RNF214: variants seen among roughly 807,000 people sequenced by gnomAD.
The protein encoded by RNF214 is ring finger protein 214.
RNF214 carries 25 observed loss-of-function variants against 75.9 expected under a neutral mutation model. The ratio of observed to expected loss-of-function variants is 0.33; its 90% CI spans 0.24 to 0.46. RNF214 has a LOEUF of 0.46. Ranked by LOEUF, RNF214 falls within the 20% of genes least tolerant of loss-of-function variation. RNF214 has a pLI of 1.00. For missense variants in RNF214, 725 were observed against 857.5 expected, an observed-to-expected ratio of 0.85 and a Z score of 1.93; for synonymous variants, 314 against 308.8, an observed-to-expected ratio of 1.02 and a Z score of -0.18.
At chr11:117,281,217 G>C in intron 8 of RNF214, 97 bp from the exon 9 acceptor site, 1 of 788,522 alleles carries the variant, frequency 1.3e-6, no homozygotes, top group Non-Finnish European at 2.2e-6. Context: ...CAAGTGATCT[G>C]CCCGCCTTGG....
At position 117,244,448 on chromosome 11, in the gene RNF214, A is replaced by G. The variant is rs1460373997; in HGVS notation, c.682A>G (p.Lys228Glu). The G allele has an allele frequency of 1.4e-5, 23 of 1,607,408 alleles. No homozygotes were observed. In the Admixed American group the frequency reaches 3.9e-4, roughly 28 times the overall value. Reference protein sequence around the residue: ...TDQDIEKNLDKMMTERTLLKE... With the variant: ...TDQDIEKNLDEMMTERTLLKE... ...TTTCTTGTCTTGTTCATAATAGGAT[A>G]AAATGATGACAGAGAGAACCCTGTT... Residue 228 changes from lysine to glutamate, a missense_variant, in exon 5 of 15, where the codon AAA (lysine) becomes GAA (glutamate). Lys to Glu is a moderately conservative substitution (Grantham distance 56). Coordinates refer to ENST00000300650, the MANE Select transcript of RNF214 (RefSeq NM_207343.4).
At chr11:117,246,152 A>G (rs945108987) in intron 5 of RNF214, among the ~76,000 whole-genome samples, 1 of 151,882 alleles carries the variant, frequency 6.6e-6, no homozygotes, top group Non-Finnish European at 1.5e-5. Context: ...TTTTTGTGAG[A>G]CAAGATCTCT....
Position 117,284,935 on chromosome 11 carries a change from A to C in RNF214, c.2047-151A>C, listed in dbSNP as rs897484016. The C allele has an allele frequency of 5.0e-6, 3 of 602,372 alleles. No homozygotes were observed. In the African/African-American group the frequency reaches 5.6e-5, roughly 11 times the overall value. The allele number at this position is 602,372 out of a possible 1,614,324, so 37.3% of individuals were successfully genotyped here. A position where few individuals can be genotyped will look rare whatever the true frequency, so the allele number is the denominator to read the frequency against. On this transcript the variant is annotated intron_variant, in intron 14 of 14. Coordinates refer to ENST00000300650, the MANE Select transcript of RNF214 (RefSeq NM_207343.4). Reference sequence around the variant, plus strand: ...ATAGAGTGAGACTGGGTCTCAAAAAAAGAAAAAAGAACAGCAACAAAAAAA... The same window carrying C: ...ATAGAGTGAGACTGGGTCTCAAAAACAGAAAAAAGAACAGCAACAAAAAAA...
chr11:117,282,548 C>A lies in RNF214; in HGVS notation c.1845+12C>A. On this transcript the variant is annotated intron_variant, in intron 12 of 14. Coordinates refer to ENST00000300650, the MANE Select transcript of RNF214 (RefSeq NM_207343.4). ...CAGCAAGTACTCAGGTGAGAAAAGC[C>A]ACTTGGGAGAGAACTTAGGCATGTT... 1 of 1,613,200 alleles carries A rather than the reference C, an allele frequency of 6.2e-7. No homozygotes were observed. The highest frequency in any genetic ancestry group is 2.2e-5 in the East Asian group (1 of 44,862).
At chr11:117,284,911 T>C (rs1171724921) in intron 14 of RNF214, among the ~76,000 whole-genome samples, 175 bp from the exon 15 acceptor site, 2 of 151,976 alleles carry the variant, frequency 1.3e-5, no homozygotes, top group African/African-American at 2.4e-5. Context: ...GCCTGGGCAA[T>C]AGAGTGAGAC....
chr11:117,244,558 G>A lies in RNF214; in HGVS notation c.792G>A (p.Arg264=). ...LQVQLKQLQQ[R]REEEMKNHQE... ...TGCAATTAAAGCAGCTTCAGCAAAG[G>A]AGAGAAGAGGAAATGAAGAATCACC... The change falls in exon 5 of 15, where the codon AGG becomes AGA. Residue 264 remains arginine (R), a synonymous_variant. Coordinates refer to ENST00000300650, the MANE Select transcript of RNF214 (RefSeq NM_207343.4). 1 of 1,610,678 alleles carries A rather than the reference G, an allele frequency of 6.2e-7. No individual in the cohort carries two copies. Among genetic ancestry groups the A allele is most frequent in the Non-Finnish European group, 8.5e-7 (1 of 1,178,788 alleles).
intron 13 of RNF214, 62 bp downstream of exon 13, chr11:117,282,912 T>A: frequency 7.5e-7 from 1 of 1,336,626 alleles, no homozygotes; most frequent in Non-Finnish European, 1.1e-6. Flanking sequence ...AAGGAGTGGG[T>A]TTACAGGTGG....
intron 6 of RNF214, among the ~76,000 whole-genome samples, chr11:117,259,600 T>C (rs2033608584): frequency 6.6e-6 from 1 of 152,218 alleles, no homozygotes; most frequent in Non-Finnish European, 1.5e-5. Context: ...TGGTATTTCA[T>C]TGTGTGTGTT....
intron 6 of RNF214, among the ~76,000 whole-genome samples, chr11:117,254,236 A>G (rs1301950480): frequency 6.6e-6 from 1 of 152,066 alleles, no homozygotes; most frequent in African/African-American, 2.4e-5. Flanking sequence ...GTGACAGAGC[A>G]AGACTCCATC....
At chr11:117,241,644 T>C (rs1296318493) in intron 4 of RNF214, among the ~76,000 whole-genome samples, 1 of 152,148 alleles carries the variant, frequency 6.6e-6, no homozygotes, top group Admixed American at 6.5e-5. Flanking sequence ...ATCCAGTTCC[T>C]TTCCTGCTTG....
chr11:117,254,878 G>A (rs2033483192), intron 6 of RNF214, among the ~76,000 whole-genome samples: 2 of 151,968 alleles, frequency 1.3e-5, no homozygotes, highest in East Asian at 1.9e-4. Context: ...CACCTGCCTC[G>A]GCCTCCCAAA....
chr11:117,240,323 C>T (rs1228065927), intron 4 of RNF214, among the ~76,000 whole-genome samples: 2 of 147,138 alleles, frequency 1.4e-5, no homozygotes, highest in East Asian at 2.0e-4. Flanking sequence ...CTGTGTGAGC[C>T]GTGATTGTGC....
At chr11:117,262,707 T>TTATGTG (rs113477136) in intron 6 of RNF214, among the ~76,000 whole-genome samples, 1 of 147,644 alleles carries the variant, frequency 6.8e-6, no homozygotes, top group Non-Finnish European at 1.5e-5. Context: ...TTGAGGAACG[T>TTATGTG]TGTGTGTGTG....
intron 6 of RNF214, among the ~76,000 whole-genome samples, chr11:117,262,707 T>TTGTGTGTGTGTGTGTGTG (rs57686552): frequency 3.2e-4 from 47 of 147,762 alleles, no homozygotes; most frequent in African/African-American, 8.5e-4. Context: ...TTGAGGAACG[T>TTGTGTGTGTGTGTGTGTG]TGTGTGTGTG....
chr11:117,264,707 A>G (rs898351030), intron 6 of RNF214, among the ~76,000 whole-genome samples: 3 of 151,914 alleles, frequency 2.0e-5, no homozygotes, highest in Non-Finnish European at 4.4e-5. Context: ...TACTTTTTAC[A>G]TGGTATATGT....
intron 6 of RNF214, among the ~76,000 whole-genome samples, chr11:117,274,710 T>C (rs924948024): frequency 1.3e-5 from 2 of 151,508 alleles, no homozygotes; most frequent in Non-Finnish European, 2.9e-5. Flanking sequence ...GTTTTACTCT[T>C]GTTGCCCAGG....
intron 14 of RNF214, 139 bp from the exon 15 acceptor site, chr11:117,284,947 C>T (rs1196264710): frequency 8.1e-6 from 5 of 620,542 alleles, no homozygotes; most frequent in African/African-American, 5.5e-5. Flanking sequence ...GAAAAAAGAA[C>T]AGCAACAAAA....
At chr11:117,255,973 A>G (rs1214717022) in intron 6 of RNF214, among the ~76,000 whole-genome samples, 3 of 152,230 alleles carry the variant, frequency 2.0e-5, no homozygotes, top group Non-Finnish European at 4.4e-5. Flanking sequence ...AGAGGCCTTC[A>G]GTTACCTCTT....
chr11:117,251,029 C>T (rs1291406357), intron 6 of RNF214, among the ~76,000 whole-genome samples: 14 of 147,164 alleles, frequency 9.5e-5, no homozygotes, highest in East Asian at 2.0e-4. Context: ...TACACAGACA[C>T]GGCAACCATC....
Sources: allele counts gnomAD v4.1 joint callset (sites outside exome capture counted in the v4.1 genomes callset), GRCh38; gene constraint gnomAD v4.1.1; transcripts MANE v1.5; gene names NCBI Gene and HGNC (gene_info 2026-07-23, HGNC 2026-07-21).